Variants in DPP6 observed in about 807,000 individuals in gnomAD.
The protein encoded by DPP6 is dipeptidyl peptidase like 6, also known as A-type potassium channel modulatory protein DPP6.
DPP6 carries 69 observed loss-of-function variants against 122.6 expected under a neutral mutation model. That is an observed-to-expected ratio of 0.56 (90% CI 0.46 to 0.69). The LOEUF is 0.69. DPP6 is among the 30% of genes least tolerant of loss of function. DPP6 has a pLI of 0.00. For missense variants in DPP6, 928 were observed against 1,116.9 expected, an observed-to-expected ratio of 0.83 and a Z score of 2.41; for synonymous variants, 418 against 433.1, an observed-to-expected ratio of 0.97 and a Z score of 0.43.
At chr7:154,128,824 G>T (rs964832547) in intron 1 of DPP6, among the ~76,000 whole-genome samples, 1 of 149,690 alleles carries the variant, frequency 6.7e-6, no homozygotes, top group Non-Finnish European at 1.5e-5. Context: ...TGTTACTGCT[G>T]GGTCTTCTCC....
In DPP6 at chr7:154,016,262, C is replaced by T. The variant is rs150056839; in HGVS notation, c.51+128528C>T. 4.9e-4 allele frequency among the ~76,000 whole-genome samples: 74 copies of T among 152,216 alleles called. 1 individual carries two copies. In the East Asian group the frequency reaches 0.012, roughly 24 times the overall value. ...AAGACATTGAACAAGGAAATACTGA[C>T]GGATTTTCATTTCAGTTTCCCCCTT... On this transcript the variant is annotated intron_variant, in intron 1 of 25. Transcript: ENST00000404039.
At chr7:153,930,989 T>C (rs1801144607) in intron 1 of DPP6, among the ~76,000 whole-genome samples, 1 of 152,230 alleles carries the variant, frequency 6.6e-6, no homozygotes, top group Non-Finnish European at 1.5e-5. Context: ...AGCAATTCTC[T>C]AAAAGGAATT....
At chr7:154,220,821 C>T (rs918695589) in intron 1 of DPP6, among the ~76,000 whole-genome samples, 1 of 152,198 alleles carries the variant, frequency 6.6e-6, no homozygotes, top group Admixed American at 6.5e-5. Flanking sequence ...TACCTGTGTC[C>T]TCTTCCTGCA....
At chr7:154,374,302 G>A (rs1007540117) in intron 1 of DPP6, among the ~76,000 whole-genome samples, 2 of 152,214 alleles carry the variant, frequency 1.3e-5, no homozygotes, top group African/African-American at 4.8e-5. Context: ...GGTTTAAAAA[G>A]TGCTTAGCTA....
At chr7:154,112,470 C>A (rs1408815346) in intron 1 of DPP6, among the ~76,000 whole-genome samples, 1 of 151,972 alleles carries the variant, frequency 6.6e-6, no homozygotes, top group Admixed American at 6.6e-5. Context: ...CATGGTGAAA[C>A]CCTGTCTCTA....
intron 1 of DPP6, among the ~76,000 whole-genome samples, chr7:154,106,631 G>A (rs1258007710): frequency 2.0e-5 from 3 of 151,368 alleles, no homozygotes; most frequent in African/African-American, 7.3e-5. Flanking sequence ...GGGGGTGCAC[G>A]TGGGTGAAGG....
chr7:154,307,113 T>C (rs1451136793), intron 1 of DPP6, among the ~76,000 whole-genome samples: 1 of 151,978 alleles, frequency 6.6e-6, no homozygotes, highest in Non-Finnish European at 1.5e-5. Flanking sequence ...CACCCAAGGA[T>C]TGGGAGTCAG....
chr7:154,476,436 T>C (rs1385374938), intron 3 of DPP6, among the ~76,000 whole-genome samples: 1 of 152,202 alleles, frequency 6.6e-6, no homozygotes, highest in Non-Finnish European at 1.5e-5. Flanking sequence ...CATCAGCAAA[T>C]GCAAGCACTT....
intron 5 of DPP6, among the ~76,000 whole-genome samples, chr7:154,614,601 T>G (rs908599137): frequency 6.6e-6 from 1 of 152,234 alleles, no homozygotes; most frequent in African/African-American, 2.4e-5. Flanking sequence ...ATTTGGTGGT[T>G]TCATGATTGC....
At chr7:154,649,899 A>G (rs1013363667) in intron 6 of DPP6, among the ~76,000 whole-genome samples, 11 of 152,242 alleles carry the variant, frequency 7.2e-5, no homozygotes, top group Non-Finnish European at 1.3e-4. Flanking sequence ...GGAGTGGTTG[A>G]GAAAGCCTGG....
chr7:154,333,133 C>T (rs1809101044), intron 1 of DPP6, among the ~76,000 whole-genome samples: 1 of 152,138 alleles, frequency 6.6e-6, no homozygotes, highest in Non-Finnish European at 1.5e-5. Flanking sequence ...CTGCTTCAAG[C>T]GTATTTGTTT....
At chr7:153,844,228 A>C in the DPP6 span, among the ~76,000 whole-genome samples, 2 of 152,182 alleles carry the variant, frequency 1.3e-5, no homozygotes, top group African/African-American at 4.8e-5. Context: ...GGAGCATTTC[A>C]TCTTTTATTC....
intron 10 of DPP6, among the ~76,000 whole-genome samples, chr7:154,786,666 A>C (rs1349279656): frequency 6.6e-6 from 1 of 152,116 alleles, no homozygotes; most frequent in African/African-American, 2.4e-5. Flanking sequence ...TTTCCTTTAT[A>C]AATTACCCAG....
chr7:154,696,041 G>A (rs894263920), intron 7 of DPP6, among the ~76,000 whole-genome samples: 8 of 152,322 alleles, frequency 5.3e-5, no homozygotes, highest in East Asian at 3.9e-4. Flanking sequence ...CCTTGAAATC[G>A]GCCCCCGGGG....
chr7:154,846,725 A>G (rs983261277), intron 16 of DPP6, among the ~76,000 whole-genome samples: 16 of 152,258 alleles, frequency 1.1e-4, no homozygotes, highest in African/African-American at 3.9e-4. Flanking sequence ...ACCAGTAGAC[A>G]GACAATGGAC....
chr7:154,396,021 A>C (rs568385636), intron 1 of DPP6, among the ~76,000 whole-genome samples: 18 of 151,492 alleles, frequency 1.2e-4, no homozygotes, highest in African/African-American at 4.1e-4. Flanking sequence ...AGATTATTAC[A>C]TTGATTGCTT....
At chr7:154,466,947 T>C (rs1172893521) in intron 2 of DPP6, among the ~76,000 whole-genome samples, 3 of 152,182 alleles carry the variant, frequency 2.0e-5, no homozygotes, top group African/African-American at 7.2e-5. Flanking sequence ...GAGTTTTGAG[T>C]AGGCCTCAGG....
chr7:154,342,862 A>G (rs891222023), intron 1 of DPP6, among the ~76,000 whole-genome samples: 5 of 152,248 alleles, frequency 3.3e-5, no homozygotes, highest in African/African-American at 7.2e-5. Flanking sequence ...TGGCAAGCCA[A>G]TCGTGGCCAA....
chr7:154,867,500 A>G (rs1351929944), intron 17 of DPP6, among the ~76,000 whole-genome samples: 1 of 152,194 alleles, frequency 6.6e-6, no homozygotes, highest in Non-Finnish European at 1.5e-5. Flanking sequence ...CTCTCCAGAG[A>G]CCAGCTTATC....
Sources: gnomAD v4.1 joint callset for allele counts (sites outside exome capture counted in the v4.1 genomes callset) on GRCh38, gnomAD v4.1.1 for gene constraint, MANE v1.5 for transcripts, NCBI Gene and HGNC (gene_info 2026-07-23, HGNC 2026-07-21) for gene names.